RGS7: variants seen among roughly 807,000 people sequenced by gnomAD.
RGS7 encodes the protein regulator of G protein signaling 7, also known as regulator of G-protein signaling 7.
A neutral mutation model predicts 81.1 loss-of-function variants in RGS7; 27 were observed. The observed-to-expected ratio is 0.33, with a 90% confidence interval of 0.25 to 0.46. The LOEUF is 0.46. Ranked by LOEUF, RGS7 falls within the 20% of genes least tolerant of loss-of-function variation. The pLI is 1.00. For synonymous variants in RGS7, 208 were observed against 207.7 expected (o/e 1.00, Z -0.01); for missense variants, 396 against 607.4 (o/e 0.65, Z 3.66).
chr1:241,094,684 C>T (rs1300696465), intron 3 of RGS7, among the ~76,000 whole-genome samples: 1 of 152,128 alleles, frequency 6.6e-6, no homozygotes, highest in Non-Finnish European at 1.5e-5. Flanking sequence ...GCAGGAAAAA[C>T]AAAAACAAAA....
chr1:241,066,395 G>A (rs1020023097), intron 3 of RGS7, among the ~76,000 whole-genome samples: 2 of 152,192 alleles, frequency 1.3e-5, no homozygotes, highest in African/African-American at 4.8e-5. Context: ...CGTAGCATAA[G>A]CAACACAAAT....
chr1:240,880,620 C>T (rs147967231), intron 6 of RGS7, among the ~76,000 whole-genome samples: 72 of 152,266 alleles, frequency 4.7e-4, no homozygotes, highest in Non-Finnish European at 7.5e-4. Context: ...TGGTGCCACG[C>T]TCATGCCTAA....
chr1:241,087,079 A>G (rs550185041), intron 3 of RGS7, among the ~76,000 whole-genome samples: 1 of 152,286 alleles, frequency 6.6e-6, no homozygotes, highest in African/African-American at 2.4e-5. Context: ...CCCCTCGAGG[A>G]CAGACAGCAT....
intron 2 of RGS7, among the ~76,000 whole-genome samples, chr1:241,178,675 A>G (rs940706912): frequency 1.3e-5 from 2 of 152,260 alleles, no homozygotes; most frequent in African/African-American, 4.8e-5. Context: ...GTTGCCTAAG[A>G]TAAAGGCAGT....
intron 3 of RGS7, among the ~76,000 whole-genome samples, chr1:241,010,699 G>A (rs1049924081): frequency 2.0e-5 from 3 of 152,118 alleles, no homozygotes; most frequent in Non-Finnish European, 4.4e-5. Context: ...GGCCCTTTGC[G>A]GTTTTGTGAC....
At chr1:240,851,954 G>T (rs943857402) in intron 9 of RGS7, among the ~76,000 whole-genome samples, 10 of 152,174 alleles carry the variant, frequency 6.6e-5, no homozygotes, top group African/African-American at 1.9e-4. Context: ...AAGATGGTGT[G>T]AACATTGTTG....
At chr1:241,202,019 C>G (rs980740867) in intron 2 of RGS7, among the ~76,000 whole-genome samples, 1 of 125,280 alleles carries the variant, frequency 8.0e-6, no homozygotes, top group East Asian at 2.0e-4. Flanking sequence ...CAGACACACA[C>G]ACACACACAC....
intron 3 of RGS7, among the ~76,000 whole-genome samples, chr1:241,008,537 T>A (rs2148655092): frequency 6.6e-6 from 1 of 152,290 alleles, no homozygotes; most frequent in Middle Eastern, 3.4e-3. Flanking sequence ...TCTGAGTGAC[T>A]CAATGGGGCT....
intron 2 of RGS7, among the ~76,000 whole-genome samples, chr1:241,113,052 T>G (rs1250543325): frequency 6.6e-6 from 1 of 152,178 alleles, no homozygotes; most frequent in African/African-American, 2.4e-5. Flanking sequence ...GGATGAATGG[T>G]GGACGAATTC....
chr1:241,136,210 T>C (rs921620810), intron 2 of RGS7, among the ~76,000 whole-genome samples: 6 of 152,284 alleles, frequency 3.9e-5, no homozygotes, highest in African/African-American at 1.2e-4. Context: ...TTAAAAAACA[T>C]GTATAGACAG....
chr1:241,179,256 A>C (rs537268227), intron 2 of RGS7, among the ~76,000 whole-genome samples: 15 of 152,216 alleles, frequency 9.9e-5, no homozygotes. Context: ...CACCATGCCC[A>C]GCTAATTTTT....
chr1:241,178,991 C>T (rs4391653), intron 2 of RGS7, among the ~76,000 whole-genome samples: 33,161 of 152,140 alleles, frequency 0.22, 4,073 homozygotes, highest in Admixed American at 0.28. Flanking sequence ...TAATTATCTT[C>T]CATCATGGTG....
chr1:240,990,900 A>T (rs1278585443), intron 3 of RGS7, among the ~76,000 whole-genome samples: 2 of 152,252 alleles, frequency 1.3e-5, no homozygotes, highest in Non-Finnish European at 2.9e-5. Flanking sequence ...ATGTCATGGC[A>T]AAAAGCAAAT....
rs763811741 is a variant in RGS7 at position 240,861,717 on chromosome 1, T to C, written c.609+6870A>G. 8.7e-4 allele frequency among the ~76,000 whole-genome samples: 133 copies of C among 152,154 alleles called. 1 individual carries two copies. Among genetic ancestry groups the C allele is most frequent in the Admixed American group, 1.5e-3 (23 of 15,274 alleles). On this transcript the variant is annotated intron_variant, in intron 9 of 18. Coordinates refer to ENST00000440928, the MANE Select transcript of RGS7 (RefSeq NM_001364886.1). ...GAATTCTCATTCCTAGGGTCACTAA[T>C]CTTATTAATAATTTCACAATTTTTT...
intron 2 of RGS7, among the ~76,000 whole-genome samples, chr1:241,102,060 T>A (rs1250758101): frequency 1.3e-5 from 2 of 152,142 alleles, no homozygotes; most frequent in Admixed American, 6.6e-5. Flanking sequence ...GAGAAAAAAA[T>A]TTTAACTCCA....
chr1:241,063,959 G>A (rs538495181), intron 3 of RGS7, among the ~76,000 whole-genome samples: 22 of 152,098 alleles, frequency 1.4e-4, no homozygotes, highest in Non-Finnish European at 2.4e-4. Flanking sequence ...CAAGGTGGGC[G>A]GATCACCTGA....
chr1:240,928,640 A>C (rs1674888588), intron 6 of RGS7, among the ~76,000 whole-genome samples: 1 of 133,240 alleles, frequency 7.5e-6, no homozygotes, highest in South Asian at 2.3e-4. Context: ...ACGGAGTCTC[A>C]CTCTGTCATC....
At chr1:241,160,342 CA>C (rs1232938907) in intron 2 of RGS7, among the ~76,000 whole-genome samples, 1 of 152,128 alleles carries the variant, frequency 6.6e-6, no homozygotes, top group African/African-American at 2.4e-5. Context: ...AAATTCATGT[CA>C]GATGTTGAAT....
chr1:241,350,802 G>A (rs918696322), intron 2 of RGS7, among the ~76,000 whole-genome samples: 1 of 149,102 alleles, frequency 6.7e-6, no homozygotes, highest in East Asian at 2.0e-4. Context: ...GGATTTCGGC[G>A]AGAAACATCG....
Sources: gnomAD v4.1 joint callset for allele counts (sites outside exome capture counted in the v4.1 genomes callset) on GRCh38, gnomAD v4.1.1 for gene constraint, MANE v1.5 for transcripts, NCBI Gene and HGNC (gene_info 2026-07-23, HGNC 2026-07-21) for gene names.